Variants in LRP1B observed in about 807,000 individuals in gnomAD.
LRP1B encodes the protein low-density lipoprotein receptor-related protein 1B.
Under a neutral mutation model 556.6 loss-of-function variants are expected in LRP1B, and 217 were observed. That is an observed-to-expected ratio of 0.39 (90% CI 0.35 to 0.44). LRP1B has a LOEUF of 0.44. Among genes scored for constraint, LRP1B ranks in the 20% least tolerant of loss-of-function variants. The probability of loss-of-function intolerance (pLI) is 1.00; values close to 1 mark genes in which losing one functional copy is unlikely to be tolerated. For missense variants in LRP1B, 5,053 were observed against 5,620.8 expected (o/e 0.90, Z 3.23); for synonymous variants, 2,047 against 1,865.8 (o/e 1.10, Z -2.50).
chr2:141,551,250 T>C (rs867215476), intron 2 of LRP1B, among the ~76,000 whole-genome samples: 3 of 152,136 alleles, frequency 2.0e-5, no homozygotes, highest in East Asian at 1.9e-4. Context: ...TAAATGTATA[T>C]ATAACACATA....
At chr2:141,228,582 A>AGTGTGTGTGTGTGTGTGT (rs3063860) in intron 6 of LRP1B, among the ~76,000 whole-genome samples, 6 of 146,292 alleles carry the variant, frequency 4.1e-5, no homozygotes, top group African/African-American at 1.5e-4. Context: ...TGTGTGTATG[A>AGTGTGTGTGTGTGTGTGT]GTGTGTGTGT....
At chr2:141,919,478 GTA>G (rs910877949) in intron 1 of LRP1B, among the ~76,000 whole-genome samples, 15 of 151,958 alleles carry the variant, frequency 9.9e-5, no homozygotes, top group Non-Finnish European at 1.6e-4. Context: ...TGTTAAGAGA[GTA>G]TATATACTAG....
intron 79 of LRP1B, among the ~76,000 whole-genome samples, chr2:140,332,768 T>A (rs909678872): frequency 6.6e-6 from 1 of 152,092 alleles, no homozygotes; most frequent in African/African-American, 2.4e-5. Flanking sequence ...TTCTTCTGCA[T>A]ACAACTACCG....
At chr2:141,193,736 A>G (rs1681622240) in intron 6 of LRP1B, among the ~76,000 whole-genome samples, 1 of 151,894 alleles carries the variant, frequency 6.6e-6, no homozygotes, top group Admixed American at 6.6e-5. Context: ...AAAAGTTAGA[A>G]AAAAAAACCC....
chr2:140,345,908 C>T (rs1681652071), intron 77 of LRP1B, among the ~76,000 whole-genome samples: 1 of 147,802 alleles, frequency 6.8e-6, no homozygotes, highest in African/African-American at 2.5e-5. Context: ...TTTCTCATCT[C>T]AGCTCAAATC....
intron 7 of LRP1B, among the ~76,000 whole-genome samples, chr2:141,125,820 C>A (rs1221008793): frequency 8.1e-6 from 1 of 123,692 alleles, no homozygotes; most frequent in Non-Finnish European, 1.6e-5. Flanking sequence ...ATTTTTTAAT[C>A]TTGTCTGTAA....
intron 41 of LRP1B, among the ~76,000 whole-genome samples, chr2:140,690,844 A>G (rs1352264019): frequency 6.6e-6 from 1 of 152,158 alleles, no homozygotes; most frequent in Non-Finnish European, 1.5e-5. Flanking sequence ...CTAATAAAAC[A>G]ATGCTCCATT....
At chr2:140,951,839 C>G (rs1316750680) in intron 19 of LRP1B, 21 bp downstream of exon 19, 1 of 1,588,644 alleles carries the variant, frequency 6.3e-7, no homozygotes, top group East Asian at 2.2e-5. Flanking sequence ...TAGTGCTATA[C>G]AGTGAGCATT....
At chr2:141,108,330 G>GTTTCTTTTTTTT (rs1700658943) in intron 7 of LRP1B, among the ~76,000 whole-genome samples, 1 of 66,598 alleles carries the variant, frequency 1.5e-5, no homozygotes, top group African/African-American at 5.7e-5. Context: ...TTTATAATCT[G>GTTTCTTTTTTTT]TTTCTTTTTT....
At chr2:140,818,706 G>A (rs751101490) in intron 31 of LRP1B, among the ~76,000 whole-genome samples, 4 of 152,018 alleles carry the variant, frequency 2.6e-5, no homozygotes, top group African/African-American at 4.8e-5. Flanking sequence ...AGGCCAAGAC[G>A]GGTGGATTAC....
At chr2:141,697,404 C>G (rs2105455711) in intron 2 of LRP1B, among the ~76,000 whole-genome samples, 1 of 152,034 alleles carries the variant, frequency 6.6e-6, no homozygotes, top group African/African-American at 2.4e-5. Flanking sequence ...CTCATTTACT[C>G]TCCTTGTTAA....
At chr2:141,344,868 T>C (rs1688189428) in intron 3 of LRP1B, among the ~76,000 whole-genome samples, 1 of 152,144 alleles carries the variant, frequency 6.6e-6, no homozygotes, top group Non-Finnish European at 1.5e-5. Flanking sequence ...ATAATGCCCT[T>C]CCCCCTCAAG....
intron 7 of LRP1B, among the ~76,000 whole-genome samples, chr2:141,069,476 T>C (rs1338542132): frequency 2.0e-5 from 3 of 152,078 alleles, no homozygotes; most frequent in Admixed American, 6.6e-5. Context: ...TAGATTGTCA[T>C]TGTCTGAGGT....
chr2:141,941,271 G>C (rs1347077269), intron 1 of LRP1B, among the ~76,000 whole-genome samples: 1 of 152,146 alleles, frequency 6.6e-6, no homozygotes, highest in Non-Finnish European at 1.5e-5. Context: ...CATACAATCT[G>C]TACAAAGTAT....
chr2:141,494,299 C>T (rs1683439931), intron 2 of LRP1B, among the ~76,000 whole-genome samples: 1 of 152,260 alleles, frequency 6.6e-6, no homozygotes, highest in East Asian at 1.9e-4. Flanking sequence ...AGAACTGACA[C>T]TGGGCAAGTT....
At chr2:141,491,188 C>G (rs1443857269) in intron 2 of LRP1B, among the ~76,000 whole-genome samples, 1 of 152,080 alleles carries the variant, frequency 6.6e-6, no homozygotes, top group Non-Finnish European at 1.5e-5. Flanking sequence ...AAAGTTGGCT[C>G]TCTGACTTTT....
Position 141,631,397 on chromosome 2 carries a change from A to G in LRP1B, c.206-150864T>C, listed in dbSNP as rs1262845427. 1.2e-4 allele frequency among the ~76,000 whole-genome samples: 19 copies of G among 152,082 alleles called. 1 individual carries two copies. The highest frequency in any genetic ancestry group is 1.2e-3 in the Admixed American group (19 of 15,252). On this transcript the variant is annotated intron_variant, in intron 2 of 90. Transcript: ENST00000389484. ...ATATGACAGTTTTTATATTATCTAT[A>G]TTATATGAAAATTATAGGAGATCAT...
At chr2:140,355,583 A>G (rs1682172377) in intron 75 of LRP1B, among the ~76,000 whole-genome samples, 1 of 151,998 alleles carries the variant, frequency 6.6e-6, no homozygotes, top group Non-Finnish European at 1.5e-5. Context: ...ACAAAGAGAC[A>G]TAACAAAAGC....
At chr2:141,547,898 T>C (rs924223807) in intron 2 of LRP1B, among the ~76,000 whole-genome samples, 3 of 152,176 alleles carry the variant, frequency 2.0e-5, no homozygotes, top group African/African-American at 7.2e-5. Flanking sequence ...TCTTCATATA[T>C]ATTTTTCAAA....
Sources: allele counts gnomAD v4.1 joint callset (sites outside exome capture counted in the v4.1 genomes callset), GRCh38; gene constraint gnomAD v4.1.1; transcripts MANE v1.5; gene names NCBI Gene and HGNC (gene_info 2026-07-23, HGNC 2026-07-21).